PSMD1: variants seen among roughly 807,000 people sequenced by gnomAD.
The protein encoded by PSMD1 is proteasome 26S subunit, non-ATPase 1, also known as 26S proteasome non-ATPase regulatory subunit 1.
In PSMD1, 18 loss-of-function variants were observed where a neutral mutation model predicts 119.0. The ratio of observed to expected loss-of-function variants is 0.15; its 90% CI spans 0.10 to 0.22. The LOEUF (loss-of-function observed/expected upper bound fraction) is 0.22, where lower values mean the gene tolerates loss of function less well. Among genes scored for constraint, PSMD1 ranks in the 10% least tolerant of loss-of-function variants. PSMD1 has a pLI of 1.00. For synonymous variants in PSMD1, 374 were observed against 396.6 expected, an observed-to-expected ratio of 0.94 and a Z score of 0.68; for missense variants, 702 against 1,158.5, an observed-to-expected ratio of 0.61 and a Z score of 5.72.
rs1428933629 is a variant in PSMD1 at position 231,161,322 on chromosome 2, TTC to T, written c.2219-12_2219-11del. On this transcript the variant is annotated splice_polypyrimidine_tract_variant and intron_variant, in intron 19 of 24. Transcript: ENST00000308696. ...GGACAATACTATTATTGTTCATGGT[TTC>T]TCTCTTTTTCTACAGGTGGTCATAA... The T allele has an allele frequency of 4.4e-6, 7 of 1,576,430 alleles. No individual in the cohort carries two copies. The highest frequency in any genetic ancestry group is 1.1e-5 in the South Asian group (1 of 87,486).
At chr2:231,062,910 G>T (rs560889463) in intron 4 of PSMD1, among the ~76,000 whole-genome samples, 2 of 152,146 alleles carry the variant, frequency 1.3e-5, no homozygotes, top group Non-Finnish European at 2.9e-5. Flanking sequence ...TAGAGGAAAA[G>T]ATTAAATCAG....
At chr2:231,122,770 A>G (rs183311876) in intron 16 of PSMD1, among the ~76,000 whole-genome samples, 15 of 152,290 alleles carry the variant, frequency 9.8e-5, no homozygotes, top group Non-Finnish European at 2.1e-4. Context: ...CCTATCAGGA[A>G]CACAGATGCC....
chr2:231,146,353 A>G lies in PSMD1; in HGVS notation c.2112A>G (p.Pro704=), dbSNP rs200218090. Residue 704 remains proline, a synonymous_variant, in exon 18 of 25, where the codon CCA becomes CCG. Coordinates refer to ENST00000308696, the MANE Select transcript of PSMD1 (RefSeq NM_002807.4). ...TCCAGCAGACTGAAATCACTTGTCCAAAGGTGAGCAAACAAAGAAATTCCC... is the reference window on the plus strand; with the variant it reads ...TCCAGCAGACTGAAATCACTTGTCCGAAGGTGAGCAAACAAAGAAATTCCC... ...IMIQQTEITC[P]KVNQFRQLYS... 6 of 1,605,074 alleles carry G rather than the reference A, an allele frequency of 3.7e-6. No individual in the cohort carries two copies. Among genetic ancestry groups the G allele is most frequent in the Non-Finnish European group, 5.1e-6 (6 of 1,172,360 alleles).
Position 231,075,590 on chromosome 2 carries a change from T to C in PSMD1, c.942+19T>C, listed in dbSNP as rs1241768766. 1.2e-6 allele frequency: 2 copies of C among 1,606,568 alleles called. No individual in the cohort carries two copies. Among genetic ancestry groups the C allele is most frequent in the Non-Finnish European group, 1.7e-6 (2 of 1,176,412 alleles). ...AGAAGCCGTGAGTGTGCTTTTTTTT[T>C]TTCCTTTGAGACAGGGTCCTGATCT... is the stretch of plus-strand genomic sequence containing the variant. On this transcript the variant is annotated intron_variant, in intron 8 of 24. Coordinates refer to ENST00000308696, the MANE Select transcript of PSMD1 (RefSeq NM_002807.4).
intron 16 of PSMD1, among the ~76,000 whole-genome samples, chr2:231,107,272 G>A (rs1371728352): frequency 2.0e-5 from 3 of 152,128 alleles, no homozygotes; most frequent in East Asian, 3.8e-4. Context: ...CTTATACACT[G>A]AGATTCTCCG....
chr2:231,057,692 T>A (rs754708146), intron 1 of PSMD1, among the ~76,000 whole-genome samples: 4 of 152,268 alleles, frequency 2.6e-5, no homozygotes, highest in Non-Finnish European at 5.9e-5. Context: ...GTCTGTTGAC[T>A]GTACATTCAA....
chr2:231,141,034 G>A lies in PSMD1; in HGVS notation c.1998+2184G>A, dbSNP rs973755725. Among the ~76,000 whole-genome samples the A allele has an allele frequency of 3.3e-5, 5 of 152,068 alleles. No homozygotes were observed. In the East Asian group the frequency reaches 5.8e-4, roughly 18 times the overall value. On this transcript the variant is annotated intron_variant, in intron 17 of 24. Transcript: ENST00000308696. ...AAATACAAAAATTAACCTGCTGGGC[G>A]CGGTGGCTCACACCTGTAATCCCAG...
At chr2:231,109,607 A>T (rs928311221) in intron 16 of PSMD1, among the ~76,000 whole-genome samples, 3 of 152,232 alleles carry the variant, frequency 2.0e-5, no homozygotes, top group Non-Finnish European at 2.9e-5. Context: ...TCTGTTTTTA[A>T]ACGGAGATTG....
At chr2:231,125,743 C>T (rs539462233) in intron 16 of PSMD1, among the ~76,000 whole-genome samples, 2 of 152,194 alleles carry the variant, frequency 1.3e-5, no homozygotes, top group African/African-American at 4.8e-5. Context: ...AATAGTTATG[C>T]TATTTAAGTT....
chr2:231,131,925 A>T (rs1183367416), intron 16 of PSMD1, among the ~76,000 whole-genome samples: 1 of 152,164 alleles, frequency 6.6e-6, no homozygotes, highest in Non-Finnish European at 1.5e-5. Flanking sequence ...TCTTGTCTTA[A>T]CACTTGTTTT....
At chr2:231,147,083 T>G (rs1178963592) in intron 18 of PSMD1, among the ~76,000 whole-genome samples, 1 of 151,964 alleles carries the variant, frequency 6.6e-6, no homozygotes, top group Admixed American at 6.6e-5. Context: ...AAACTTGGAG[T>G]GAGGGGGAAA....
At chr2:231,094,119 G>A (rs910982773) in intron 16 of PSMD1, among the ~76,000 whole-genome samples, 2 of 152,028 alleles carry the variant, frequency 1.3e-5, no homozygotes, top group Non-Finnish European at 2.9e-5. Flanking sequence ...TAGTCCTCTA[G>A]GGTTAACACC....
intron 16 of PSMD1, among the ~76,000 whole-genome samples, chr2:231,091,682 A>AGGGGG (rs1172442106): frequency 6.6e-6 from 1 of 152,192 alleles, no homozygotes; most frequent in African/African-American, 2.4e-5. Context: ...GAGAGATGTT[A>AGGGGG]TCTCACATCC....
intron 17 of PSMD1, chr2:231,139,123 T>C (rs549920915): frequency 1.4e-4 from 63 of 447,510 alleles, no homozygotes; most frequent in African/African-American, 7.6e-4. Context: ...TTTTTGTTTT[T>C]GTTTTTTTTG....
intron 21 of PSMD1, 120 bp from the exon 22 acceptor site, chr2:231,165,080 A>ATG (rs1696743833): frequency 1.2e-5 from 1 of 84,476 alleles, no homozygotes; most frequent in Non-Finnish European, 2.3e-5. Context: ...ATATATATAT[A>ATG]TATATATATA....
Position 231,077,062 on chromosome 2 carries a change from A to G in PSMD1, c.971A>G (p.Lys324Arg). 6.2e-7 allele frequency: 1 copy of G among 1,605,092 alleles called. No homozygotes were observed. The highest frequency in any genetic ancestry group is 8.5e-7 in the Non-Finnish European group (1 of 1,176,848). ...CCAGAGCCTAAGGACCAGACTTTGA[A>G]AATGATTAAAATTTTAAGTGGTGAA... ...ASPEPKDQTL[K>R]MIKILSGEMA... is the part of the protein sequence containing the mutation. The change falls in exon 9 of 25, where the codon AAA becomes AGA. Residue 324 changes from lysine (K) to arginine (R), a missense_variant. Physicochemically the swap from Lys to Arg is conservative, Grantham distance 26. Coordinates refer to ENST00000308696, the MANE Select transcript of PSMD1 (RefSeq NM_002807.4).
intron 16 of PSMD1, among the ~76,000 whole-genome samples, chr2:231,131,308 G>A (rs1005640079): frequency 8.6e-5 from 13 of 151,944 alleles, no homozygotes; most frequent in Non-Finnish European, 1.3e-4. Context: ...ATCATGCTGC[G>A]ATCTATTCAT....
intron 17 of PSMD1, among the ~76,000 whole-genome samples, chr2:231,145,418 G>A (rs1057252970): frequency 5.3e-5 from 8 of 152,224 alleles, no homozygotes; most frequent in African/African-American, 1.9e-4. Context: ...GTCAGTGAGT[G>A]AGTGTTGAGT....
At chr2:231,148,210 A>C (rs777365373) in intron 18 of PSMD1, among the ~76,000 whole-genome samples, 1 of 152,174 alleles carries the variant, frequency 6.6e-6, no homozygotes, top group African/African-American at 2.4e-5. Flanking sequence ...TTGATCTTCA[A>C]CTGAGCTTTT....
Sources: gnomAD v4.1 joint callset for allele counts (sites outside exome capture counted in the v4.1 genomes callset) on GRCh38, gnomAD v4.1.1 for gene constraint, MANE v1.5 for transcripts, NCBI Gene and HGNC (gene_info 2026-07-23, HGNC 2026-07-21) for gene names.